IL1RAPL1: variants seen among roughly 807,000 people sequenced by gnomAD.
IL1RAPL1 encodes the protein interleukin-1 receptor accessory protein-like 1.
In IL1RAPL1, 3 loss-of-function variants were observed where a neutral mutation model predicts 48.4. The observed-to-expected ratio is 0.06, with a 90% CI of 0.03 to 0.16. The LOEUF (loss-of-function observed/expected upper bound fraction) is 0.16. Ranked by LOEUF, IL1RAPL1 falls within the 10% of genes least tolerant of loss-of-function variation. The pLI is 1.00. For synonymous variants in IL1RAPL1, 185 were observed against 187.7 expected (o/e 0.99, Z 0.12); for missense variants, 349 against 530.6 (o/e 0.66, Z 3.36).
chrX:28,821,879 A>G (rs963512815), intron 2 of IL1RAPL1, among the ~76,000 whole-genome samples: 3 of 111,387 alleles, frequency 2.7e-5, no homozygotes, highest in African/African-American at 9.8e-5. Flanking sequence ...ACAGAGATGA[A>G]TATGTTTATT....
chrX:28,849,998 A>C (rs1477147200), intron 2 of IL1RAPL1, among the ~76,000 whole-genome samples: 1 of 111,967 alleles, frequency 8.9e-6, no homozygotes, highest in African/African-American at 3.2e-5. Flanking sequence ...CAAGTGAGGA[A>C]TACATTTGAT....
chrX:28,723,526 G>T (rs1384757810), intron 1 of IL1RAPL1, among the ~76,000 whole-genome samples: 1 of 110,983 alleles, frequency 9.0e-6, no homozygotes, highest in Non-Finnish European at 1.9e-5. Context: ...CAATTTTGTT[G>T]CTCTTTTCAA....
chrX:28,683,751 AT>A (rs1935084858), intron 1 of IL1RAPL1, among the ~76,000 whole-genome samples: 1 of 112,057 alleles, frequency 8.9e-6, no homozygotes, highest in Non-Finnish European at 1.9e-5. Flanking sequence ...GTTAAGAATT[AT>A]TTTCTTTCCT....
At chrX:29,803,535 A>G (rs189781405) in intron 6 of IL1RAPL1, among the ~76,000 whole-genome samples, 2 of 98,892 alleles carry the variant, frequency 2.0e-5, no homozygotes, top group South Asian at 4.3e-4. Context: ...ATATATGTAT[A>G]CATATATGTA....
chrX:28,751,638 A>G (rs1013224573), intron 1 of IL1RAPL1, among the ~76,000 whole-genome samples: 1 of 112,385 alleles, frequency 8.9e-6, no homozygotes, highest in African/African-American at 3.2e-5. Flanking sequence ...TTGCTACAGC[A>G]GTAGATAAAA....
intron 2 of IL1RAPL1, among the ~76,000 whole-genome samples, chrX:28,869,159 G>A (rs1922147775): frequency 8.9e-6 from 1 of 112,250 alleles, no homozygotes. Context: ...AATAGTCTTA[G>A]TTACTTTAAA....
intron 3 of IL1RAPL1, among the ~76,000 whole-genome samples, chrX:29,304,041 C>T (rs937704125): frequency 4.5e-5 from 5 of 111,876 alleles, no homozygotes; most frequent in Non-Finnish European, 7.5e-5. Context: ...CCTCCTCCAC[C>T]GGCACACACT....
At chrX:29,250,007 A>G (rs1160516442) in intron 2 of IL1RAPL1, among the ~76,000 whole-genome samples, 2 of 112,106 alleles carry the variant, frequency 1.8e-5, no homozygotes, top group Non-Finnish European at 3.8e-5. Context: ...ATCATTTTAT[A>G]TATCTCTTTA....
At chrX:28,659,600 C>T (rs1934793412) in intron 1 of IL1RAPL1, 2 of 398,553 alleles carry the variant, frequency 5.0e-6, no homozygotes, top group Admixed American at 4.3e-5. Context: ...GGCGGTGGCG[C>T]GGCGGCGGCT....
chrX:28,999,570 A>G (rs1043191107), intron 2 of IL1RAPL1, among the ~76,000 whole-genome samples: 1 of 111,617 alleles, frequency 9.0e-6, no homozygotes, highest in African/African-American at 3.3e-5. Flanking sequence ...CCCCACCTCC[A>G]AAGATTGTAT....
chrX:28,930,702 C>T (rs929248802), intron 2 of IL1RAPL1, among the ~76,000 whole-genome samples: 3 of 111,731 alleles, frequency 2.7e-5, no homozygotes, highest in African/African-American at 9.8e-5. Context: ...AGTTCAGTGG[C>T]ACAATCTTGG....
chrX:28,766,295 GAAATC>G (rs1465618659), intron 1 of IL1RAPL1, among the ~76,000 whole-genome samples: 1 of 110,751 alleles, frequency 9.0e-6, no homozygotes, highest in East Asian at 2.8e-4. Context: ...CTAGAAAATA[GAAATC>G]AAATCAACTA....
chrX:28,597,317 G>A (rs1176010085), intron 1 of IL1RAPL1, among the ~76,000 whole-genome samples: 1 of 111,695 alleles, frequency 9.0e-6, no homozygotes, highest in African/African-American at 3.3e-5. Context: ...TTGATTTCAA[G>A]TTGTGTGAAT....
intron 3 of IL1RAPL1, among the ~76,000 whole-genome samples, chrX:29,331,873 C>T (rs1264287146): frequency 9.0e-6 from 1 of 110,974 alleles, no homozygotes; most frequent in Non-Finnish European, 1.9e-5. Flanking sequence ...GCCTTAACTT[C>T]ATCCCCAGTA....
chrX:29,926,402 G>T (rs761116895), intron 8 of IL1RAPL1, among the ~76,000 whole-genome samples: 1 of 111,980 alleles, frequency 8.9e-6, no homozygotes, highest in Non-Finnish European at 1.9e-5. Flanking sequence ...GATCATTCAT[G>T]TGGGCCAAAG....
chrX:28,657,312 T>C (rs1167824586), intron 1 of IL1RAPL1, among the ~76,000 whole-genome samples: 7 of 112,011 alleles, frequency 6.2e-5, no homozygotes, highest in Non-Finnish European at 1.9e-5. Flanking sequence ...AATAGAGATA[T>C]TGAAATTTCA....
At chrX:29,219,361 C>T (rs762782487) in intron 2 of IL1RAPL1, among the ~76,000 whole-genome samples, 19 of 111,125 alleles carry the variant, frequency 1.7e-4, no homozygotes, top group Non-Finnish European at 3.2e-4. Flanking sequence ...GTGCTAGGAC[C>T]TGGGGATAAA....
intron 6 of IL1RAPL1, among the ~76,000 whole-genome samples, chrX:29,786,658 G>A (rs142178640): frequency 1.7e-3 from 193 of 111,821 alleles, no homozygotes; most frequent in African/African-American, 5.9e-3. Context: ...AAATAAGCTC[G>A]TAAAGTCTAA....
intron 2 of IL1RAPL1, among the ~76,000 whole-genome samples, chrX:28,996,396 A>G (rs1330958524): frequency 9.0e-6 from 1 of 111,694 alleles, no homozygotes; most frequent in Non-Finnish European, 1.9e-5. Context: ...ATTTTGGGCT[A>G]TTACGAATAA....
Sources: gnomAD v4.1 joint callset for allele counts (sites outside exome capture counted in the v4.1 genomes callset) on GRCh38, gnomAD v4.1.1 for gene constraint, MANE v1.5 for transcripts, NCBI Gene and HGNC (gene_info 2026-07-23, HGNC 2026-07-21) for gene names.